HAPSTR1: variants seen among roughly 807,000 people sequenced by gnomAD.
HAPSTR1 encodes the protein HUWE1 associated protein modifying stress responses.
the HAPSTR1 span, among the ~76,000 whole-genome samples, chr16:9,098,341 C>G: frequency 6.6e-6 from 1 of 152,138 alleles, no homozygotes. Context: ...CACACACACA[C>G]ACAAAATATT....
chr16:9,091,691 G>T, the HAPSTR1 span: 2 of 399,414 alleles, frequency 5.0e-6, no homozygotes. Context: ...CTGCGCGGAG[G>T]GCTCGGCGAT....
At chr16:9,096,392 CAT>C in the HAPSTR1 span, among the ~76,000 whole-genome samples, 4 of 112,722 alleles carry the variant, frequency 3.5e-5, no homozygotes, top group Non-Finnish European at 8.9e-5. Context: ...TTTCCTTCTT[CAT>C]CTTCTTTCCC....
chr16:9,099,056 C>A, the HAPSTR1 span, among the ~76,000 whole-genome samples: 7 of 152,032 alleles, frequency 4.6e-5, no homozygotes, highest in African/African-American at 1.4e-4. Flanking sequence ...CCCTCTGCCC[C>A]CACCCCAGCC....
At chr16:9,100,242 G>C in the HAPSTR1 span, among the ~76,000 whole-genome samples, 1 of 152,148 alleles carries the variant, frequency 6.6e-6, no homozygotes, top group Admixed American at 6.5e-5. Context: ...TTTTAAAAGA[G>C]GTTCACAACT....
the HAPSTR1 span, chr16:9,112,599 G>T: frequency 6.6e-6 from 1 of 152,244 alleles, no homozygotes; most frequent in Non-Finnish European, 1.5e-5. Context: ...CTCTGCCTGT[G>T]TGTGACCTCT....
chr16:9,116,960 C>T, the HAPSTR1 span: 1 of 1,604,418 alleles, frequency 6.2e-7, no homozygotes. Flanking sequence ...GCCACTTGAT[C>T]CTCAACATAT....
the HAPSTR1 span, among the ~76,000 whole-genome samples, chr16:9,101,246 T>C: frequency 1.1e-4 from 16 of 152,308 alleles, no homozygotes; most frequent in African/African-American, 3.8e-4. Context: ...CCTAAAGAGA[T>C]GGGAAAAGTG....
chr16:9,091,692 G>C, the HAPSTR1 span: 2 of 399,528 alleles, frequency 5.0e-6, no homozygotes, highest in Non-Finnish European at 8.8e-6. Flanking sequence ...TGCGCGGAGG[G>C]CTCGGCGATC....
chr16:9,106,230 G>A, the HAPSTR1 span: 1 of 151,632 alleles, frequency 6.6e-6, no homozygotes. Context: ...CCAACATGGT[G>A]AAACCCTCTC....
chr16:9,092,192 G>T, the HAPSTR1 span: 1 of 1,583,436 alleles, frequency 6.3e-7, no homozygotes, highest in Non-Finnish European at 8.6e-7. Context: ...GGCGGCCGCC[G>T]CGCAGCCCGA....
the HAPSTR1 span, among the ~76,000 whole-genome samples, chr16:9,098,770 C>T: frequency 6.6e-6 from 1 of 152,176 alleles, no homozygotes; most frequent in Non-Finnish European, 1.5e-5. Flanking sequence ...AGAAGTGTTG[C>T]TTTGATGTAG....
the HAPSTR1 span, chr16:9,106,869 A>G: frequency 1.3e-5 from 2 of 152,154 alleles, no homozygotes; most frequent in African/African-American, 4.8e-5. Flanking sequence ...ACTCGTTTTT[A>G]TGTAAACAGC....
At chr16:9,092,903 T>G in the HAPSTR1 span, 7 of 1,554,520 alleles carry the variant, frequency 4.5e-6, no homozygotes, top group Non-Finnish European at 6.1e-6. Flanking sequence ...TTTTTTTTTT[T>G]TTTGGCTTGC....
chr16:9,095,553 A>G, the HAPSTR1 span, among the ~76,000 whole-genome samples: 1 of 152,046 alleles, frequency 6.6e-6, no homozygotes, highest in Non-Finnish European at 1.5e-5. Flanking sequence ...CCTGGGGACA[A>G]TTTGGCACTC....
At chr16:9,115,076 G>C in the HAPSTR1 span, among the ~76,000 whole-genome samples, 1 of 152,146 alleles carries the variant, frequency 6.6e-6, no homozygotes, top group Non-Finnish European at 1.5e-5. Context: ...CACCTAGAGT[G>C]CGGAGTTGAG....
At chr16:9,113,003 TG>T in the HAPSTR1 span, 55 of 116,290 alleles carry the variant, frequency 4.7e-4, no homozygotes, top group African/African-American at 2.2e-3. Context: ...ACGTACAACT[TG>T]GTTTTTTTTT....
chr16:9,116,529 C>T, the HAPSTR1 span: 15 of 1,120,144 alleles, frequency 1.3e-5, no homozygotes, highest in East Asian at 2.4e-4. Context: ...CAGAATAAAA[C>T]TTAATTGCTT....
chr16:9,092,166 A>G, the HAPSTR1 span: 1 of 1,571,026 alleles, frequency 6.4e-7, no homozygotes, highest in Non-Finnish European at 8.6e-7. Flanking sequence ...CTGCCCCCCG[A>G]GCTGCAGGAG....
At chr16:9,094,563 GT>G in the HAPSTR1 span, among the ~76,000 whole-genome samples, 1 of 151,908 alleles carries the variant, frequency 6.6e-6, no homozygotes, top group Non-Finnish European at 1.5e-5. Context: ...TTTGATTGCT[GT>G]TTTTTCTCCT....
Sources: gnomAD v4.1 joint callset for allele counts (sites outside exome capture counted in the v4.1 genomes callset) on GRCh38, gnomAD v4.1.1 for gene constraint, MANE v1.5 for transcripts, NCBI Gene and HGNC (gene_info 2026-07-23, HGNC 2026-07-21) for gene names.